KLHL29: variants seen among roughly 807,000 people sequenced by gnomAD.
The protein encoded by KLHL29 is kelch like family member 29.
KLHL29 carries 21 observed loss-of-function variants against 80.4 expected under a neutral mutation model. The observed-to-expected ratio is 0.26, with a 90% CI of 0.19 to 0.38. The LOEUF (loss-of-function observed/expected upper bound fraction) is 0.38. KLHL29 is among the 10% of genes least tolerant of loss of function. The probability of loss-of-function intolerance (pLI) is 1.00; values close to 1 mark genes in which losing one functional copy is unlikely to be tolerated. For missense variants in KLHL29, 867 were observed against 1,223.9 expected (o/e 0.71, Z 4.35); for synonymous variants, 511 against 526.8 (o/e 0.97, Z 0.41).
intron 3 of KLHL29, among the ~76,000 whole-genome samples, chr2:23,610,665 G>A (rs1293373451): frequency 6.6e-6 from 1 of 152,226 alleles, no homozygotes; most frequent in Non-Finnish European, 1.5e-5. Flanking sequence ...TTGGTCCTGG[G>A]ACAAGAAATA....
chr2:23,696,016 G>C lies in KLHL29; in HGVS notation c.1807G>C (p.Val603Leu). Residue 603 changes from valine to leucine, a missense_variant, in exon 10 of 14, where the codon GTG becomes CTG. Transcript: ENST00000486442. This position sits in a 1 kb window ranked among gnomAD's most constrained non-coding sequence, Gnocchi z 5.5. Reference protein sequence around the residue: ...QMVGMTQRSLVAVTCWNPQNN... With the variant: ...QMVGMTQRSLLAVTCWNPQNN... ...GGTGGGGATGACCCAGCGCTCGCTG[G>C]TGGCCGTCACCTGCTGGAACCCGCA... 3.2e-6 allele frequency: 5 copies of C among 1,551,718 alleles called. No individual in the cohort carries two copies. The highest frequency in any genetic ancestry group is 4.4e-6 in the Non-Finnish European group (5 of 1,147,000).
intron 1 of KLHL29, among the ~76,000 whole-genome samples, chr2:23,460,683 G>A (rs942476028): frequency 1.3e-5 from 2 of 152,036 alleles, no homozygotes; most frequent in African/African-American, 2.4e-5. Context: ...GCATGGAGCC[G>A]TGAAGGGAGC....
chr2:23,662,357 G>T (rs1670433542), intron 5 of KLHL29, among the ~76,000 whole-genome samples: 1 of 152,164 alleles, frequency 6.6e-6, no homozygotes, highest in Non-Finnish European at 1.5e-5. Context: ...TTTGCTCTGT[G>T]CAGGGCCACG....
intron 2 of KLHL29, among the ~76,000 whole-genome samples, chr2:23,499,677 C>T (rs1665378267): frequency 6.6e-6 from 1 of 152,184 alleles, no homozygotes; most frequent in Non-Finnish European, 1.5e-5. Context: ...AGAGACAGCA[C>T]TGTCGGCCCC....
Position 23,671,140 on chromosome 2 carries a change from G to A in KLHL29, c.941-13259G>A, listed in dbSNP as rs143769337. On this transcript the variant is annotated intron_variant, in intron 5 of 13. Coordinates refer to ENST00000486442, the MANE Select transcript of KLHL29 (RefSeq NM_052920.2). ...CCATTTCATTTCCCTCTTTACCTAG[G>A]TAACTAAACTGATTGTACTCCTGGC... Among the ~76,000 whole-genome samples the A allele has an allele frequency of 3.4e-4, 51 of 151,484 alleles. 1 individual carries two copies. In the East Asian group the frequency reaches 9.8e-3, roughly 29 times the overall value.
chr2:23,451,907 C>G (rs1224721787), intron 1 of KLHL29, among the ~76,000 whole-genome samples: 10 of 152,140 alleles, frequency 6.6e-5, no homozygotes, highest in Admixed American at 5.9e-4. Context: ...CACTGGCATC[C>G]TCTCCTGGAG....
intron 3 of KLHL29, among the ~76,000 whole-genome samples, chr2:23,590,292 C>A (rs1412578973): frequency 1.3e-5 from 2 of 150,230 alleles, no homozygotes; most frequent in African/African-American, 4.9e-5. Context: ...AGTTTTTTTG[C>A]CTCTGCCCAA....
At chr2:23,532,749 C>T (rs919300241) in intron 2 of KLHL29, 1 of 431,126 alleles carries the variant, frequency 2.3e-6, no homozygotes, top group African/African-American at 2.0e-5. Context: ...CCCACTACAC[C>T]CTCTGCACGG....
Position 23,684,433 on chromosome 2 carries a change from G to A in KLHL29, c.975G>A (p.Ala325=), listed in dbSNP as rs929299520. The A allele has an allele frequency of 8.4e-6, 13 of 1,549,550 alleles. No homozygotes were observed. Among genetic ancestry groups the A allele is most frequent in the Middle Eastern group, 3.3e-4 (2 of 6,010 alleles). ...MLKELNQQRR[A]KAFTDLKIVV... ...AGGAATTGAACCAGCAACGCAGAGC[G>A]AAAGCGTTTACAGACCTGAAAATTG... Residue 325 remains alanine, a synonymous_variant, in exon 6 of 14, where the codon GCG becomes GCA. Transcript: ENST00000486442. This position sits in a 1 kb window ranked among gnomAD's most constrained non-coding sequence, Gnocchi z 4.4.
chr2:23,670,889 A>G (rs982948705), intron 5 of KLHL29, among the ~76,000 whole-genome samples: 7 of 129,404 alleles, frequency 5.4e-5, no homozygotes, highest in Admixed American at 2.4e-4. Context: ...TGGGCAGAGA[A>G]GGGAGGGGTC....
intron 3 of KLHL29, among the ~76,000 whole-genome samples, chr2:23,584,533 T>A (rs951723053): frequency 9.2e-5 from 14 of 152,212 alleles, no homozygotes; most frequent in Admixed American, 6.5e-4. Flanking sequence ...TGGAGGAACA[T>A]GGCAACAGCC....
At chr2:23,478,402 T>C (rs1022340894) in intron 2 of KLHL29, among the ~76,000 whole-genome samples, 3 of 152,126 alleles carry the variant, frequency 2.0e-5, no homozygotes, top group Non-Finnish European at 2.9e-5. Context: ...GCTATCAGTT[T>C]ACTGTGGAAA....
chr2:23,513,511 G>A (rs1333902494), intron 2 of KLHL29, among the ~76,000 whole-genome samples: 1 of 152,164 alleles, frequency 6.6e-6, no homozygotes. Context: ...TTTCGTTTTG[G>A]ATGATCATTA....
At chr2:23,418,185 C>T (rs7576481) in intron 1 of KLHL29, among the ~76,000 whole-genome samples, 66,759 of 152,088 alleles carry the variant, frequency 0.44, 15,068 homozygotes, top group African/African-American at 0.55. Context: ...CTGAAGAGGC[C>T]TTGTGCTTCC....
At chr2:23,428,774 T>C (rs1418631953) in intron 1 of KLHL29, among the ~76,000 whole-genome samples, 1 of 152,126 alleles carries the variant, frequency 6.6e-6, no homozygotes, top group Non-Finnish European at 1.5e-5. Flanking sequence ...TTCAAAAGAT[T>C]TTACATGATG....
chr2:23,509,042 G>A (rs1391149808), intron 2 of KLHL29, among the ~76,000 whole-genome samples: 1 of 152,192 alleles, frequency 6.6e-6, no homozygotes, highest in Non-Finnish European at 1.5e-5. Context: ...AATCAAATGG[G>A]TTACTGCTTG....
chr2:23,488,557 A>G (rs1368080), intron 2 of KLHL29, among the ~76,000 whole-genome samples: 102,908 of 152,164 alleles, frequency 0.68, 34,836 homozygotes, highest in Middle Eastern at 0.77. Flanking sequence ...CTGTGCCCAG[A>G]TCCGAGCCAG....
Position 23,385,488 on chromosome 2 carries a change from C to CA in KLHL29, c.-445dup, listed in dbSNP as rs906046879. The CA allele has an allele frequency of 5.8e-6, 1 of 173,172 alleles. No individual in the cohort carries two copies. The highest frequency in any genetic ancestry group is 2.4e-5 in the African/African-American group (1 of 41,364). 10.7% of individuals were successfully genotyped at this position (173,172 alleles called of 1,614,324 possible). On this transcript the variant is annotated 5_prime_UTR_variant, in exon 1 of 14. It removes the in-frame stop codon of an upstream open reading frame in the 5' UTR. Coordinates refer to ENST00000486442, the MANE Select transcript of KLHL29 (RefSeq NM_052920.2). ...CGCCGCCTCGATGAGAGCCGCGCCG[C>CA]ACCGCTCATAGCCGCACAGGCTGAC...
intron 3 of KLHL29, among the ~76,000 whole-genome samples, chr2:23,613,919 A>C (rs1387092044): frequency 6.6e-6 from 1 of 152,190 alleles, no homozygotes; most frequent in Non-Finnish European, 1.5e-5. Context: ...ACTGCTTAGA[A>C]TCAACCTGCC....
Sources: gnomAD v4.1 joint callset for allele counts (sites outside exome capture counted in the v4.1 genomes callset) on GRCh38, gnomAD v4.1.1 for gene constraint, Gnocchi (gnomAD v3.1) non-coding constraint, MANE v1.5 for transcripts, NCBI Gene and HGNC (gene_info 2026-07-23, HGNC 2026-07-21) for gene names.